Variants in RBMS3 observed in about 807,000 individuals in gnomAD.
RBMS3 encodes RNA binding motif single stranded interacting protein 3.
Under a neutral mutation model 66.8 loss-of-function variants are expected in RBMS3, and 27 were observed. The observed-to-expected ratio is 0.40, with a 90% confidence interval of 0.30 to 0.56. The LOEUF (loss-of-function observed/expected upper bound fraction) is 0.56, where lower values mean the gene tolerates loss of function less well. Ranked by LOEUF, RBMS3 falls within the 20% of genes least tolerant of loss-of-function variation. RBMS3 has a pLI of 0.40. For missense variants in RBMS3, 513 were observed against 549.5 expected, an observed-to-expected ratio of 0.93 and a Z score of 0.66; for synonymous variants, 188 against 183.0, an observed-to-expected ratio of 1.03 and a Z score of -0.22.
At position 29,918,270 on chromosome 3, in the gene RBMS3, G is replaced by C. The variant is rs58913939; in HGVS notation, c.940-17816G>C. Among the ~76,000 whole-genome samples, 1,465 of 152,160 alleles carry C rather than the reference G, an allele frequency of 9.6e-3. 31 individuals carry two copies. Among genetic ancestry groups the C allele is most frequent in the African/African-American group, 0.034 (1,397 of 41,518 alleles). ...TCTGTATATGAAAGACAAAATATTA[G>C]TATGTTATCTATGTCCTTTAATGCC... On this transcript the variant is annotated intron_variant, in intron 10 of 14. Transcript: ENST00000383767.
intron 2 of RBMS3, among the ~76,000 whole-genome samples, chr3:29,454,197 G>C (rs978838701): frequency 6.6e-6 from 1 of 152,180 alleles, no homozygotes; most frequent in Non-Finnish European, 1.5e-5. Context: ...CCCCTCCTGG[G>C]ATCTGGCACC....
intron 3 of RBMS3, among the ~76,000 whole-genome samples, chr3:29,511,685 G>A (rs2148956177): frequency 6.6e-6 from 1 of 151,752 alleles, no homozygotes; most frequent in South Asian, 2.1e-4. Flanking sequence ...CATACATAAA[G>A]AATAACACCC....
intron 6 of RBMS3, among the ~76,000 whole-genome samples, chr3:29,840,512 C>G (rs889946204): frequency 6.6e-6 from 1 of 151,934 alleles, no homozygotes; most frequent in Non-Finnish European, 1.5e-5. Context: ...CATGTAGACT[C>G]TAAAAGAACT....
At chr3:29,666,178 A>G (rs1314275624) in intron 4 of RBMS3, among the ~76,000 whole-genome samples, 3 of 152,180 alleles carry the variant, frequency 2.0e-5, no homozygotes, top group Non-Finnish European at 4.4e-5. Flanking sequence ...TCACTTGATA[A>G]GTTGACCACC....
intron 1 of RBMS3, among the ~76,000 whole-genome samples, chr3:29,371,905 A>C (rs2038224499): frequency 6.6e-6 from 1 of 152,204 alleles, no homozygotes; most frequent in South Asian, 2.1e-4. Context: ...GTCACCTTTA[A>C]AAGATTCCTC....
chr3:29,573,335 G>T (rs1559479434), intron 3 of RBMS3, among the ~76,000 whole-genome samples: 1 of 152,100 alleles, frequency 6.6e-6, no homozygotes, highest in South Asian at 2.1e-4. Context: ...TGGCCAGGCT[G>T]GTCTCAATCT....
chr3:29,700,775 C>A (rs765520432), intron 4 of RBMS3, among the ~76,000 whole-genome samples: 7 of 149,664 alleles, frequency 4.7e-5, no homozygotes, highest in Non-Finnish European at 8.9e-5. Flanking sequence ...CTTAGAGGTT[C>A]AAAAAGGATA....
rs555767581 is a variant in RBMS3, at chr3:29,535,775, A to G, written c.307+47276A>G. 3.1e-3 allele frequency among the ~76,000 whole-genome samples: 388 copies of G among 124,764 alleles called. 1 individual carries two copies. The highest frequency in any genetic ancestry group is 0.011 in the African/African-American group (353 of 32,166). 81.9% of individuals were successfully genotyped at this position (124,764 alleles called of 152,430 possible). On this transcript the variant is annotated intron_variant, in intron 3 of 14. Transcript: ENST00000383767. Reference sequence around the variant, plus strand: ...ATAGCAGTTAAATTGCAACTGATCAAGAGGTATTCAGGATGGTGAGTTTGG... The same window carrying G: ...ATAGCAGTTAAATTGCAACTGATCAGGAGGTATTCAGGATGGTGAGTTTGG...
At chr3:29,967,700 G>C (rs1321051984) in intron 12 of RBMS3, among the ~76,000 whole-genome samples, 1 of 152,116 alleles carries the variant, frequency 6.6e-6, no homozygotes. Context: ...AGCTAGGAGG[G>C]TTGTATTTTT....
At chr3:29,429,489 C>T (rs1307925794) in intron 1 of RBMS3, among the ~76,000 whole-genome samples, 2 of 152,156 alleles carry the variant, frequency 1.3e-5, no homozygotes, top group Admixed American at 1.3e-4. Context: ...GAAAAATCTG[C>T]ATACTAACCA....
At chr3:29,511,988 A>T (rs1576067128) in intron 3 of RBMS3, among the ~76,000 whole-genome samples, 1 of 152,152 alleles carries the variant, frequency 6.6e-6, no homozygotes, top group Non-Finnish European at 1.5e-5. Context: ...TTTGCATGCA[A>T]TTAAAATCTT....
intron 4 of RBMS3, among the ~76,000 whole-genome samples, chr3:29,662,394 T>C (rs1300238222): frequency 6.6e-6 from 1 of 152,214 alleles, no homozygotes; most frequent in Admixed American, 6.5e-5. Context: ...TTAATATTTT[T>C]CGAAAATTGA....
intron 1 of RBMS3, among the ~76,000 whole-genome samples, chr3:29,399,268 T>G (rs2039697001): frequency 6.6e-6 from 1 of 152,148 alleles, no homozygotes; most frequent in South Asian, 2.1e-4. Context: ...TCTATATATG[T>G]TTTCAAACCA....
intron 2 of RBMS3, among the ~76,000 whole-genome samples, chr3:29,481,923 T>A (rs1181599064): frequency 6.6e-6 from 1 of 152,214 alleles, no homozygotes; most frequent in Non-Finnish European, 1.5e-5. Context: ...TTTTAATACA[T>A]ACTATTTTAT....
rs569645593 is a variant in RBMS3 at position 29,507,496 on chromosome 3, CG to C, written c.307+18998del. On this transcript the variant is annotated intron_variant, in intron 3 of 14. Transcript: ENST00000383767. ...CCTAGCTATAGTATGATATTAATTG[CG>C]AAAAAAAAAGACAAATCTATGTATG... Among the ~76,000 whole-genome samples the C allele has an allele frequency of 5.0e-5, 6 of 119,920 alleles. No individual in the cohort carries two copies. In the East Asian group the frequency reaches 6.6e-4, roughly 13 times the overall value. The allele number at this position is 119,920 out of a possible 152,430, so 78.7% of individuals were successfully genotyped here.
chr3:29,951,341 G>GA (rs1376282132), intron 12 of RBMS3, among the ~76,000 whole-genome samples: 2 of 151,742 alleles, frequency 1.3e-5, no homozygotes, highest in Non-Finnish European at 2.9e-5. Context: ...AAGTATGGTA[G>GA]AAAAAATCAA....
chr3:29,433,023 A>G (rs973365497), intron 1 of RBMS3, among the ~76,000 whole-genome samples: 1 of 152,042 alleles, frequency 6.6e-6, no homozygotes, highest in African/African-American at 2.4e-5. Flanking sequence ...CTCATTATTT[A>G]CCCAGACCCA....
At chr3:29,741,117 A>G (rs948536707) in intron 5 of RBMS3, among the ~76,000 whole-genome samples, 1 of 152,026 alleles carries the variant, frequency 6.6e-6, no homozygotes, top group Admixed American at 6.6e-5. Flanking sequence ...ATCGTCATGT[A>G]TATGTTAACT....
intron 10 of RBMS3, among the ~76,000 whole-genome samples, chr3:29,906,344 G>A (rs2060378145): frequency 6.6e-6 from 1 of 152,022 alleles, no homozygotes; most frequent in Non-Finnish European, 1.5e-5. Context: ...ATCTTGTTAT[G>A]TCATAACATG....
Sources: allele counts gnomAD v4.1 joint callset (sites outside exome capture counted in the v4.1 genomes callset), GRCh38; gene constraint gnomAD v4.1.1; transcripts MANE v1.5; gene names NCBI Gene and HGNC (gene_info 2026-07-23, HGNC 2026-07-21).